GABPA: variants seen among roughly 807,000 people sequenced by gnomAD.
GABPA encodes the protein GA binding protein transcription factor subunit alpha.
A neutral mutation model predicts 59.4 loss-of-function variants in GABPA; 4 were observed. The observed-to-expected ratio is 0.07, with a 90% CI of 0.03 to 0.15. GABPA has a LOEUF of 0.15. Among genes scored for constraint, GABPA ranks in the 10% least tolerant of loss-of-function variants. The probability of loss-of-function intolerance (pLI) is 1.00; values close to 1 mark genes in which losing one functional copy is unlikely to be tolerated. For synonymous variants in GABPA, 164 were observed against 183.1 expected, an observed-to-expected ratio of 0.90 and a Z score of 0.84; for missense variants, 251 against 543.8, an observed-to-expected ratio of 0.46 and a Z score of 5.36.
chr21:25,738,555 C>A (rs1248518495), intron 1 of GABPA, among the ~76,000 whole-genome samples: 1 of 152,036 alleles, frequency 6.6e-6, no homozygotes, highest in Admixed American at 6.6e-5. Flanking sequence ...TTTAAGAAAT[C>A]TTTTTCTATC....
chr21:25,742,089 C>T (rs775064417), intron 2 of GABPA, among the ~76,000 whole-genome samples: 3 of 152,066 alleles, frequency 2.0e-5, no homozygotes, highest in Admixed American at 2.0e-4. Context: ...TTATAAAGGC[C>T]ACGTTGTATT....
At chr21:25,736,164 G>C (rs71649649) in intron 1 of GABPA, among the ~76,000 whole-genome samples, 1 of 152,288 alleles carries the variant, frequency 6.6e-6, no homozygotes, top group East Asian at 1.9e-4. Flanking sequence ...TTGTGTACTA[G>C]AAGACACGCT....
chr21:25,745,151 T>C, intron 2 of GABPA, 59 bp from the exon 3 acceptor site: 2 of 1,573,434 alleles, frequency 1.3e-6, no homozygotes, highest in East Asian at 2.2e-5. Flanking sequence ...TAGCATATTG[T>C]TGCTTTGAAA....
chr21:25,743,335 T>C (rs75774935), intron 2 of GABPA, among the ~76,000 whole-genome samples: 2,293 of 152,284 alleles, frequency 0.015, 59 homozygotes, highest in African/African-American at 0.052. Context: ...GAGGGAACTT[T>C]AAAAGGGCAT....
In GABPA at chr21:25,735,137, T is replaced by G. The variant is rs931275085; in HGVS notation, c.-468T>G. The stretch of plus-strand genomic sequence containing the variant: ...TTCTTCGCCTAATTTGACCCGTTCT[T>G]TTTCCCCTCCTTGAAACCTTGCTCT... On this transcript the variant is annotated 5_prime_UTR_variant, in exon 1 of 10. Transcript: ENST00000400075. 1.0e-5 allele frequency: 7 copies of G among 677,552 alleles called. No individual in the cohort carries two copies. In the African/African-American group the frequency reaches 1.1e-4, roughly 10 times the overall value. The allele number at this position is 677,552 out of a possible 1,614,324, so 42.0% of individuals were successfully genotyped here.
chr21:25,772,119 A>C lies in GABPA; in HGVS notation c.*2887A>C, dbSNP rs1423819512. ...AGTGTATCCTTGAAATAGCACAAAA[A>C]TGTTTTAAAATTCATAATTGCAAAA... On this transcript the variant is annotated 3_prime_UTR_variant, in exon 10 of 10. Transcript: ENST00000400075. 1 of 152,118 alleles carries C rather than the reference A, an allele frequency of 6.6e-6. No individual in the cohort carries two copies. Among genetic ancestry groups the C allele is most frequent in the Non-Finnish European group, 1.5e-5 (1 of 67,922 alleles). 9.4% of individuals were successfully genotyped at this position (152,118 alleles called of 1,614,324 possible). A position where few individuals can be genotyped will look rare whatever the true frequency, so the allele number is the denominator to read the frequency against.
At chr21:25,748,575 A>T (rs2035427182) in intron 3 of GABPA, among the ~76,000 whole-genome samples, 1 of 152,206 alleles carries the variant, frequency 6.6e-6, no homozygotes, top group Non-Finnish European at 1.5e-5. Flanking sequence ...TAACTTTATG[A>T]TGAGAGATTT....
At chr21:25,737,976 T>C (rs2035123470) in intron 1 of GABPA, among the ~76,000 whole-genome samples, 1 of 152,226 alleles carries the variant, frequency 6.6e-6, no homozygotes, top group Non-Finnish European at 1.5e-5. Context: ...GACACTTGGA[T>C]TGGCACCAGC....
intron 7 of GABPA, among the ~76,000 whole-genome samples, chr21:25,762,581 G>T (rs528420530): frequency 6.6e-6 from 1 of 152,246 alleles, no homozygotes; most frequent in South Asian, 2.1e-4. Context: ...TTGTATCTCA[G>T]TTCACCAAAA....
At chr21:25,765,456 T>G (rs1472183557) in intron 9 of GABPA, among the ~76,000 whole-genome samples, 1 of 151,962 alleles carries the variant, frequency 6.6e-6, no homozygotes, top group Non-Finnish European at 1.5e-5. Context: ...ACTGAAAGAT[T>G]ATAATTTAGC....
chr21:25,753,954 C>T lies in GABPA; in HGVS notation c.553+1720C>T, dbSNP rs1224206570. Among the ~76,000 whole-genome samples the T allele has an allele frequency of 2.0e-5, 3 of 151,934 alleles. No homozygotes were observed. In the East Asian group the frequency reaches 5.8e-4, roughly 29 times the overall value. On this transcript the variant is annotated intron_variant, in intron 5 of 9. Transcript: ENST00000400075. ...CTTTAAACCAAACCTAAAAGATACA[C>T]AGTAAATGAGAGAGCTTACCCATGG...
At chr21:25,736,171 C>T (rs112190332) in intron 1 of GABPA, among the ~76,000 whole-genome samples, 23 of 152,136 alleles carry the variant, frequency 1.5e-4, no homozygotes, top group African/African-American at 5.6e-4. Flanking sequence ...CTAGAAGACA[C>T]GCTGTATGTG....
intron 2 of GABPA, among the ~76,000 whole-genome samples, chr21:25,743,318 A>G (rs2035273367): frequency 1.3e-5 from 2 of 152,210 alleles, no homozygotes; most frequent in Non-Finnish European, 2.9e-5. Context: ...ACCCTAGTAC[A>G]GTGCTGGAGG....
intron 3 of GABPA, among the ~76,000 whole-genome samples, chr21:25,747,504 C>G (rs1300258095): frequency 6.6e-6 from 1 of 152,214 alleles, no homozygotes; most frequent in Non-Finnish European, 1.5e-5. Context: ...CTCCTTGTCC[C>G]CCTTTCCTCC....
Position 25,771,301 on chromosome 21 carries a change from C to G in GABPA, c.*2069C>G, listed in dbSNP as rs1453218074. 1 of 151,566 alleles carries G rather than the reference C, an allele frequency of 6.6e-6. No individual in the cohort carries two copies. The highest frequency in any genetic ancestry group is 1.9e-4 in the East Asian group (1 of 5,188). The allele number at this position is 151,566 out of a possible 1,614,324, so 9.4% of individuals were successfully genotyped here. A position where few individuals can be genotyped will look rare whatever the true frequency, so the allele number is the denominator to read the frequency against. On this transcript the variant is annotated 3_prime_UTR_variant, in exon 10 of 10. Transcript: ENST00000400075. ...AGCTAAAAACATTACTTTTAGATCC[C>G]TAGAATGAAAATTTTTTTCTCATCT...
At chr21:25,754,532 TTTTG>T (rs779897604) in intron 5 of GABPA, among the ~76,000 whole-genome samples, 3 of 152,162 alleles carry the variant, frequency 2.0e-5, no homozygotes, top group Non-Finnish European at 4.4e-5. Context: ...GGCTCTTCAT[TTTTG>T]TTTGTTCCTT....
intron 9 of GABPA, among the ~76,000 whole-genome samples, 180 bp downstream of exon 9, chr21:25,764,967 T>C (rs991713240): frequency 3.3e-5 from 5 of 152,116 alleles, no homozygotes; most frequent in African/African-American, 1.2e-4. Context: ...GTACAGTTTT[T>C]TTTTTACAAA....
intron 5 of GABPA, among the ~76,000 whole-genome samples, chr21:25,757,038 A>C (rs1228782570): frequency 6.6e-6 from 1 of 152,302 alleles, no homozygotes; most frequent in East Asian, 1.9e-4. Context: ...CTCTTTGAAG[A>C]ACTTTTATAA....
At chr21:25,741,700 T>C (rs1341320739) in intron 2 of GABPA, 25 bp downstream of exon 2, 4 of 1,532,868 alleles carry the variant, frequency 2.6e-6, no homozygotes, top group Non-Finnish European at 3.6e-6. Flanking sequence ...ATTTATCATT[T>C]TTTTTCAAAA....
Sources: gnomAD v4.1 joint callset for allele counts (sites outside exome capture counted in the v4.1 genomes callset) on GRCh38, gnomAD v4.1.1 for gene constraint, MANE v1.5 for transcripts, NCBI Gene and HGNC (gene_info 2026-07-23, HGNC 2026-07-21) for gene names.